The following LMOD3 variants were observed in gnomAD, a reference collection of about 807,000 sequenced individuals.
LMOD3 encodes leiomodin-3.
Under a neutral mutation model 41.8 loss-of-function variants are expected in LMOD3, and 31 were observed. The ratio of observed to expected loss-of-function variants is 0.74; its 90% CI spans 0.56 to 1.00. The LOEUF (loss-of-function observed/expected upper bound fraction) is 1.00. Among genes scored for constraint, LMOD3 ranks in the 50% least tolerant of loss-of-function variants. The pLI, the probability that LMOD3 is intolerant of heterozygous loss-of-function variation, is 0.00. For synonymous variants in LMOD3, 292 were observed against 241.9 expected (o/e 1.21, Z -1.92); for missense variants, 755 against 679.5 (o/e 1.11, Z -1.23).
intron 2 of LMOD3, among the ~76,000 whole-genome samples, chr3:69,112,274 C>A (rs1291783082): frequency 6.6e-6 from 1 of 152,128 alleles, no homozygotes; most frequent in African/African-American, 2.4e-5. Flanking sequence ...GGAGGCAGAG[C>A]GGGTGGGAAA....
intron 2 of LMOD3, among the ~76,000 whole-genome samples, chr3:69,114,035 A>T (rs2092360807): frequency 6.6e-6 from 1 of 152,224 alleles, no homozygotes; most frequent in Non-Finnish European, 1.5e-5. Flanking sequence ...CATAATAAAA[A>T]AATTCTACAG....
chr3:69,118,739 A>C lies in LMOD3; in HGVS notation c.1616T>G (p.Leu539Arg), dbSNP rs777978945. 6.2e-7 allele frequency: 1 copy of C among 1,612,668 alleles called. No individual in the cohort carries two copies. Among genetic ancestry groups the C allele is most frequent in the Admixed American group, 1.7e-5 (1 of 59,762 alleles). Reference protein sequence around the residue: ...LVEITPRDQLLNDIRHSSVAY... With the variant: ...LVEITPRDQLRNDIRHSSVAY... Reference sequence around the variant, plus strand: ...GACACTGCTGTGACGAATGTCGTTTAGCAGCTGATCTCTGGGAGTGATTTC... The same window carrying C: ...GACACTGCTGTGACGAATGTCGTTTCGCAGCTGATCTCTGGGAGTGATTTC... The change falls in exon 2 of 3, where the codon CTA becomes CGA. Residue 539 changes from leucine (L) to arginine (R), a missense_variant. Coordinates refer to ENST00000420581, the MANE Select transcript of LMOD3 (RefSeq NM_198271.5).
rs373295911 is a variant in LMOD3 at position 69,119,443 on chromosome 3, G to A, written c.912C>T (p.Asn304=). Reference sequence around the variant, plus strand: ...TGATGCTTCTATTTTCACGCAACATGTTAGCCAAGGCAAATGCTACATTCT... The same window carrying A: ...TGATGCTTCTATTTTCACGCAACATATTAGCCAAGGCAAATGCTACATTCT... The part of the protein sequence containing the change: ...ADENVAFALA[N]MLRENRSITT... The change falls in exon 2 of 3, where the codon AAC becomes AAT. Residue 304 remains asparagine, a synonymous_variant. Coordinates refer to ENST00000420581, the MANE Select transcript of LMOD3 (RefSeq NM_198271.5). 3 of 1,613,976 alleles carry A rather than the reference G, an allele frequency of 1.9e-6. No homozygotes were observed. The highest frequency in any genetic ancestry group is 2.5e-6 in the Non-Finnish European group (3 of 1,179,890).
In LMOD3 at chr3:69,120,431, T is replaced by C. The variant is rs182611094; in HGVS notation, c.295-371A>G. 7.7e-4 allele frequency among the ~76,000 whole-genome samples: 117 copies of C among 151,878 alleles called. No individual in the cohort carries two copies. The East Asian group carries it at 0.019, about 25-fold the overall frequency. ...TGAGTTAGGGCAATAATTTCCTTATTATTCCAATATATTATAAATGTGATA... is the reference window on the plus strand; with the variant it reads ...TGAGTTAGGGCAATAATTTCCTTATCATTCCAATATATTATAAATGTGATA... On this transcript the variant is annotated intron_variant, in intron 1 of 2. Coordinates refer to ENST00000420581, the MANE Select transcript of LMOD3 (RefSeq NM_198271.5).
chr3:69,119,955 A>G lies in LMOD3; in HGVS notation c.400T>C (p.Ser134Pro), dbSNP rs1283065889. The change falls in exon 2 of 3, where the codon TCA (serine) becomes CCA (proline). Residue 134 changes from serine to proline, a missense_variant. Transcript: ENST00000420581. ...TCTTGGATATTGCTGCTGCCCTTTG[A>G]TTCTCTTTTATTTGCAACTATTTCA... is the stretch of plus-strand genomic sequence containing the variant. ...NNEIVANKRE[S>P]KGSSNIQETD... The G allele has an allele frequency of 6.3e-7, 1 of 1,576,372 alleles. No homozygotes were observed. The highest frequency in any genetic ancestry group is 8.6e-7 in the Non-Finnish European group (1 of 1,159,406).
chr3:69,122,045 G>A (rs1415371294), intron 1 of LMOD3, 48 bp downstream of exon 1: 2 of 1,486,106 alleles, frequency 1.3e-6, no homozygotes, highest in African/African-American at 2.8e-5. Flanking sequence ...AGACCTAACA[G>A]CCCATCCCAG....
intron 2 of LMOD3, among the ~76,000 whole-genome samples, chr3:69,115,220 G>T (rs1008331019): frequency 6.6e-6 from 1 of 152,066 alleles, no homozygotes; most frequent in African/African-American, 2.4e-5. Context: ...GGTGGCTGAT[G>T]CCTGTAATCC....
In LMOD3 at chr3:69,108,954, A is replaced by G. The variant is rs1397484889; in HGVS notation, c.*141T>C. The G allele has an allele frequency of 1.4e-6, 1 of 702,354 alleles. No homozygotes were observed. The highest frequency in any genetic ancestry group is 2.3e-6 in the Non-Finnish European group (1 of 426,510). 43.5% of individuals were successfully genotyped at this position (702,354 alleles called of 1,614,324 possible). Reference sequence around the variant, plus strand: ...TCATGGCCCAAACATTCTGCCTTTTACAAATACCCTTATCAGATGGTAGCA... The same window carrying G: ...TCATGGCCCAAACATTCTGCCTTTTGCAAATACCCTTATCAGATGGTAGCA... On this transcript the variant is annotated 3_prime_UTR_variant, in exon 3 of 3. Transcript: ENST00000420581.
chr3:69,112,184 G>A (rs923040697), intron 2 of LMOD3, among the ~76,000 whole-genome samples: 28 of 152,148 alleles, frequency 1.8e-4, no homozygotes, highest in African/African-American at 6.8e-4. Context: ...AGTTTTCAAA[G>A]AAAGTATGTC....
At chr3:69,112,318 A>G (rs1261727541) in intron 2 of LMOD3, among the ~76,000 whole-genome samples, 6 of 152,198 alleles carry the variant, frequency 3.9e-5, no homozygotes, top group Non-Finnish European at 7.3e-5. Flanking sequence ...AATTTGGTCT[A>G]CCTGTATTAA....
At chr3:69,114,629 T>A (rs2092363178) in intron 2 of LMOD3, among the ~76,000 whole-genome samples, 1 of 151,954 alleles carries the variant, frequency 6.6e-6, no homozygotes, top group African/African-American at 2.4e-5. Context: ...TACCTCAGCC[T>A]CCCAAGTAGC....
chr3:69,114,760 G>A (rs536331231), intron 2 of LMOD3, among the ~76,000 whole-genome samples: 1 of 152,300 alleles, frequency 6.6e-6, no homozygotes, highest in South Asian at 2.1e-4. Context: ...ACCTCCCAAA[G>A]TGCTGGGATC....
At chr3:69,115,714 G>A (rs1163344822) in intron 2 of LMOD3, among the ~76,000 whole-genome samples, 2 of 152,076 alleles carry the variant, frequency 1.3e-5, no homozygotes, top group Non-Finnish European at 2.9e-5. Context: ...ACATTGTCTT[G>A]TCTCACTTGA....
chr3:69,119,102 G>A lies in LMOD3; in HGVS notation c.1253C>T (p.Ala418Val), dbSNP rs771351279. ...QQLKEQKKLI[A>V]MLENGLGLPP... ...CAGCCCCAACCCATTCTCTAACATG[G>A]CTATCAGCTTCTTCTGTTCCTTGAG... is the stretch of plus-strand genomic sequence containing the variant. Residue 418 changes from alanine to valine, a missense_variant, in exon 2 of 3, where the codon GCC becomes GTC. Transcript: ENST00000420581. 6.2e-6 allele frequency: 10 copies of A among 1,613,612 alleles called. No individual in the cohort carries two copies. The highest frequency in any genetic ancestry group is 1.7e-5 in the Admixed American group (1 of 59,944).
intron 2 of LMOD3, among the ~76,000 whole-genome samples, chr3:69,116,636 C>T (rs1401513503): frequency 6.6e-6 from 1 of 152,150 alleles, no homozygotes; most frequent in Non-Finnish European, 1.5e-5. Context: ...AGACCCAAAA[C>T]TGTAGTGTTC....
At chr3:69,121,339 T>C (rs1375214391) in intron 1 of LMOD3, among the ~76,000 whole-genome samples, 1 of 152,198 alleles carries the variant, frequency 6.6e-6, no homozygotes, top group Non-Finnish European at 1.5e-5. Flanking sequence ...TTCAGAGTAA[T>C]TTAACAAGAT....
At chr3:69,116,589 T>A (rs1559660249) in intron 2 of LMOD3, among the ~76,000 whole-genome samples, 1 of 152,178 alleles carries the variant, frequency 6.6e-6, no homozygotes, top group African/African-American at 2.4e-5. Flanking sequence ...GCAATTATCA[T>A]CATGAATTTA....
At chr3:69,121,676 G>A (rs1383814847) in intron 1 of LMOD3, among the ~76,000 whole-genome samples, 3 of 152,156 alleles carry the variant, frequency 2.0e-5, no homozygotes, top group Non-Finnish European at 4.4e-5. Context: ...CACTGTGTGC[G>A]AAACACTGCG....
At chr3:69,116,691 GT>G (rs1333886284) in intron 2 of LMOD3, among the ~76,000 whole-genome samples, 1 of 152,156 alleles carries the variant, frequency 6.6e-6, no homozygotes. Context: ...AACCTACACT[GT>G]AAGCTCTGTG....
Sources: allele counts gnomAD v4.1 joint callset (sites outside exome capture counted in the v4.1 genomes callset), GRCh38; gene constraint gnomAD v4.1.1; transcripts MANE v1.5; gene names NCBI Gene and HGNC (gene_info 2026-07-23, HGNC 2026-07-21).